GAP43: variants seen among roughly 807,000 people sequenced by gnomAD.
The protein encoded by GAP43 is neuromodulin.
Under a neutral mutation model 18.6 loss-of-function variants are expected in GAP43, and 6 were observed. The ratio of observed to expected loss-of-function variants is 0.32; its 90% CI spans 0.18 to 0.64. The LOEUF (loss-of-function observed/expected upper bound fraction) is 0.64. Ranked by LOEUF, GAP43 falls within the 30% of genes least tolerant of loss-of-function variation. GAP43 has a pLI of 0.78. For missense variants in GAP43, 292 were observed against 295.5 expected, an observed-to-expected ratio of 0.99 and a Z score of 0.09; for synonymous variants, 115 against 111.4, an observed-to-expected ratio of 1.03 and a Z score of -0.20.
intron 2 of GAP43, 140 bp downstream of exon 2, chr3:115,676,750 T>C (rs1424003847): frequency 3.3e-6 from 3 of 916,562 alleles, no homozygotes; most frequent in African/African-American, 1.7e-5. Context: ...CTGTGCTTAA[T>C]TTCCCAAAGT....
At chr3:115,626,857 T>A (rs1017079172) in intron 1 of GAP43, among the ~76,000 whole-genome samples, 8 of 152,160 alleles carry the variant, frequency 5.3e-5, no homozygotes, top group African/African-American at 1.9e-4. Flanking sequence ...CCGACCTCTC[T>A]GCCTTTCCTT....
At chr3:115,641,532 A>ACACACACACACG (rs1203297859) in intron 1 of GAP43, among the ~76,000 whole-genome samples, 2 of 141,906 alleles carry the variant, frequency 1.4e-5, no homozygotes, top group Non-Finnish European at 3.1e-5. Context: ...ACACACACAC[A>ACACACACACACG]CACACACACA....
intron 1 of GAP43, among the ~76,000 whole-genome samples, chr3:115,651,101 C>T (rs1708514351): frequency 6.6e-6 from 1 of 152,108 alleles, no homozygotes; most frequent in Non-Finnish European, 1.5e-5. Context: ...CATTGCACTC[C>T]ACTCTGGAAG....
intron 1 of GAP43, among the ~76,000 whole-genome samples, chr3:115,641,510 TCACACACACA>T (rs376412583): frequency 1.9e-5 from 2 of 106,956 alleles, no homozygotes; most frequent in African/African-American, 7.2e-5. Context: ...ATATATATAT[TCACACACACA>T]CACACACACA....
At chr3:115,653,988 T>A (rs867037444) in intron 1 of GAP43, among the ~76,000 whole-genome samples, 7 of 152,082 alleles carry the variant, frequency 4.6e-5, no homozygotes, top group African/African-American at 1.7e-4. Flanking sequence ...TCTCCACATC[T>A]CCCCTTTCCA....
At chr3:115,655,937 T>C (rs1708575049) in intron 1 of GAP43, among the ~76,000 whole-genome samples, 1 of 152,232 alleles carries the variant, frequency 6.6e-6, no homozygotes, top group African/African-American at 2.4e-5. Context: ...GATGGAAGGA[T>C]AATAAATTGA....
intron 1 of GAP43, among the ~76,000 whole-genome samples, chr3:115,652,356 CTTTTTTTTTTTTTTTTTT>C (rs71141831): frequency 4.6e-5 from 2 of 43,768 alleles, no homozygotes; most frequent in South Asian, 2.6e-3. Flanking sequence ...ATCCAGCATT[CTTTTTTTTTTTTTTTTTT>C]TTTTTTTTTT....
At chr3:115,687,439 C>T (rs1709048718) in intron 2 of GAP43, among the ~76,000 whole-genome samples, 1 of 152,210 alleles carries the variant, frequency 6.6e-6, no homozygotes, top group Non-Finnish European at 1.5e-5. Context: ...CTTTAGGCAA[C>T]TAACCACTGT....
At chr3:115,663,745 C>G in intron 1 of GAP43, 1 of 1,550,600 alleles carries the variant, frequency 6.4e-7, no homozygotes, top group Non-Finnish European at 8.7e-7. Flanking sequence ...GTCTTTTAGA[C>G]AGTGAACTAG....
intron 1 of GAP43, among the ~76,000 whole-genome samples, chr3:115,630,239 A>G (rs932477950): frequency 6.6e-5 from 10 of 152,208 alleles, no homozygotes; most frequent in Admixed American, 3.9e-4. Context: ...AAATGCATGT[A>G]GTGCTGGCCT....
At chr3:115,665,989 A>AGTTTGTGT (rs1273344906) in intron 1 of GAP43, among the ~76,000 whole-genome samples, 1,238 of 61,704 alleles carry the variant, frequency 0.02, 21 homozygotes, top group African/African-American at 0.056. Flanking sequence ...TGGCTAAATG[A>AGTTTGTGT]GTGTGTGTGT....
intron 1 of GAP43, among the ~76,000 whole-genome samples, chr3:115,652,513 T>A (rs1301978606): frequency 6.6e-6 from 1 of 151,818 alleles, no homozygotes; most frequent in East Asian, 1.9e-4. Context: ...GCTTCCCGAG[T>A]GACTGAGACT....
rs71141831 is a variant in GAP43 at position 115,652,356 on chromosome 3, C to CTTTTTTTTTTTT, written c.31-23639_31-23628dup. On this transcript the variant is annotated intron_variant, in intron 1 of 2. Coordinates refer to ENST00000305124, the MANE Select transcript of GAP43 (RefSeq NM_002045.4). ...TTCCTGATGATTCTTATCCAGCATTCTTTTTTTTTTTTTTTTTTTTTTTTT... is the reference window on the plus strand; with the variant it reads ...TTCCTGATGATTCTTATCCAGCATTCTTTTTTTTTTTTTTTTTTTTTTTTTTTTTTTTTTTTT... Among the ~76,000 whole-genome samples the CTTTTTTTTTTTT allele has an allele frequency of 2.3e-3, 100 of 43,810 alleles. 18 individuals are homozygous for CTTTTTTTTTTTT. The highest frequency in any genetic ancestry group is 3.0e-3 in the Non-Finnish European group (74 of 24,664). The allele number at this position is 43,810 out of a possible 152,430, so 28.7% of individuals were successfully genotyped here. A position where few individuals can be genotyped will look rare whatever the true frequency, so the allele number is the denominator to read the frequency against.
At chr3:115,715,943 AC>A (rs1412720083) in intron 2 of GAP43, among the ~76,000 whole-genome samples, 1 of 152,176 alleles carries the variant, frequency 6.6e-6, no homozygotes, top group East Asian at 1.9e-4. Context: ...CCTTACGTAA[AC>A]CATTCAGTCT....
rs1358466981 is a variant in GAP43 at position 115,676,318 on chromosome 3, G to A, written c.336G>A (p.Lys112=). 8.7e-6 allele frequency: 14 copies of A among 1,614,034 alleles called. No individual in the cohort carries two copies. The highest frequency in any genetic ancestry group is 1.2e-5 in the Non-Finnish European group (14 of 1,180,018). The stretch of plus-strand genomic sequence containing the variant: ...CAGGAGAAACTCCTTCCGAGGAGAA[G>A]AAGGGGGAGGGTGATGCTGCCACAG... ...GKAGETPSEE[K]KGEGDAATEQ... Residue 112 remains lysine, a synonymous_variant, in exon 2 of 3, where the codon AAG becomes AAA. Coordinates refer to ENST00000305124, the MANE Select transcript of GAP43 (RefSeq NM_002045.4).
At position 115,710,083 on chromosome 3, in the gene GAP43, C is replaced by T. The variant is rs374151451; in HGVS notation, c.629-10711C>T. Reference sequence around the variant, plus strand: ...TGGCACTCCTGTGAGTTCACTGTAGCACCCACGGATTCATGTGTATGGTTT... The same window carrying T: ...TGGCACTCCTGTGAGTTCACTGTAGTACCCACGGATTCATGTGTATGGTTT... On this transcript the variant is annotated intron_variant, in intron 2 of 2. Transcript: ENST00000305124. Among the ~76,000 whole-genome samples the T allele has an allele frequency of 9.9e-5, 15 of 152,226 alleles. No homozygotes were observed. The East Asian group carries it at 2.7e-3, about 27-fold the overall frequency.
intron 1 of GAP43, chr3:115,663,414 T>A (rs1708690480): frequency 2.0e-6 from 1 of 509,228 alleles, no homozygotes; most frequent in Non-Finnish European, 2.6e-6. Flanking sequence ...TTCATCTGCT[T>A]TTCTCATTTA....
chr3:115,644,327 A>G lies in GAP43; in HGVS notation c.30+20608A>G, dbSNP rs1437931300. On this transcript the variant is annotated intron_variant, in intron 1 of 2. Transcript: ENST00000305124. This position sits in a 1 kb window ranked among gnomAD's most constrained non-coding sequence, Gnocchi z 4.2. Reference sequence around the variant, plus strand: ...TGGCTTTGAGTGATTATTGTATTTTACCTGATAGTTTTTGGACAGGACTAT... The same window carrying G: ...TGGCTTTGAGTGATTATTGTATTTTGCCTGATAGTTTTTGGACAGGACTAT... 1.3e-5 allele frequency among the ~76,000 whole-genome samples: 2 copies of G among 151,952 alleles called. No homozygotes were observed. Among genetic ancestry groups the G allele is most frequent in the Non-Finnish European group, 2.9e-5 (2 of 67,960 alleles).
chr3:115,692,082 A>G (rs959815552), intron 2 of GAP43, among the ~76,000 whole-genome samples: 8 of 152,328 alleles, frequency 5.3e-5, no homozygotes, highest in African/African-American at 1.9e-4. Flanking sequence ...GTGTGTGCAT[A>G]CGGATGATAT....
Sources: gnomAD v4.1 joint callset for allele counts (sites outside exome capture counted in the v4.1 genomes callset) on GRCh38, gnomAD v4.1.1 for gene constraint, Gnocchi (gnomAD v3.1) non-coding constraint, MANE v1.5 for transcripts, NCBI Gene and HGNC (gene_info 2026-07-23, HGNC 2026-07-21) for gene names.